CNTNAP3B: variants seen among roughly 807,000 people sequenced by gnomAD.
The protein encoded by CNTNAP3B is contactin-associated protein-like 3B.
Under a neutral mutation model 108.9 loss-of-function variants are expected in CNTNAP3B, and 25 were observed. That is an observed-to-expected ratio of 0.23 (90% CI 0.17 to 0.32). The LOEUF (loss-of-function observed/expected upper bound fraction) is 0.32. CNTNAP3B is among the 10% of genes least tolerant of loss of function. The probability of loss-of-function intolerance (pLI) is 1.00; values close to 1 mark genes in which losing one functional copy is unlikely to be tolerated. For synonymous variants in CNTNAP3B, 103 were observed against 473.4 expected (o/e 0.22, Z 10.16); for missense variants, 252 against 1,210.4 (o/e 0.21, Z 11.75).
At chr9:41,923,577 C>T (rs972089113) in intron 16 of CNTNAP3B, among the ~76,000 whole-genome samples, 145 of 152,344 alleles carry the variant, frequency 9.5e-4, no homozygotes, top group African/African-American at 3.3e-3. Context: ...GCCTGGTCAA[C>T]ATGGCAAAAC....
chr9:41,939,718 C>A (rs1275583236), intron 13 of CNTNAP3B, among the ~76,000 whole-genome samples: 1 of 152,278 alleles, frequency 6.6e-6, no homozygotes, highest in Non-Finnish European at 1.5e-5. Flanking sequence ...TCCTAATGTA[C>A]AAGTGTAAAT....
chr9:42,109,613 A>G (rs1006496705), intron 1 of CNTNAP3B, among the ~76,000 whole-genome samples: 2 of 144,150 alleles, frequency 1.4e-5, no homozygotes, highest in Admixed American at 1.4e-4. Flanking sequence ...TCATTACAGT[A>G]TTACTTAAAG....
chr9:41,963,204 T>A (rs1448504460), intron 11 of CNTNAP3B, among the ~76,000 whole-genome samples: 1 of 152,284 alleles, frequency 6.6e-6, no homozygotes, highest in African/African-American at 2.4e-5. Flanking sequence ...AAATCAAATG[T>A]CTCATGGAAG....
chr9:42,064,563 A>G (rs77622692), intron 3 of CNTNAP3B, among the ~76,000 whole-genome samples: 1 of 107,188 alleles, frequency 9.3e-6, no homozygotes, highest in Non-Finnish European at 1.9e-5. Context: ...CTTCACCCAG[A>G]TACTAACTAA....
chr9:42,024,687 A>C (rs1442373878), intron 3 of CNTNAP3B, among the ~76,000 whole-genome samples: 1 of 139,798 alleles, frequency 7.2e-6, no homozygotes, highest in African/African-American at 2.7e-5. Context: ...AAAAAAAAGA[A>C]AAAAAAACAT....
intron 1 of CNTNAP3B, among the ~76,000 whole-genome samples, chr9:42,109,890 A>G (rs1484949115): frequency 7.3e-6 from 1 of 136,750 alleles, no homozygotes; most frequent in Non-Finnish European, 1.6e-5. Context: ...GTGATGATGA[A>G]CAGAGCCCCA....
intron 2 of CNTNAP3B, among the ~76,000 whole-genome samples, chr9:42,095,036 G>T (rs1003980003): frequency 1.9e-5 from 2 of 103,932 alleles, no homozygotes; most frequent in African/African-American, 7.3e-5. Flanking sequence ...GGTGAGAATA[G>T]TTAAAATTCT....
In CNTNAP3B at chr9:42,110,775, G is replaced by A. The variant is rs1260899207; in HGVS notation, c.86-6036C>T. Among the ~76,000 whole-genome samples the A allele has an allele frequency of 1.5e-5, 2 of 137,692 alleles. 1 individual carries two copies. The highest frequency in any genetic ancestry group is 3.1e-5 in the Non-Finnish European group (2 of 64,538). The allele number at this position is 137,692 out of a possible 152,430, so 90.3% of individuals were successfully genotyped here. ...TCCCATTTCATCACCTGTCTTTTCA[G>A]TTCTTAATGTACCTTAACATTATCT... On this transcript the variant is annotated intron_variant, in intron 1 of 23. Transcript: ENST00000377561.
rs535106045 is a variant in CNTNAP3B at position 41,984,006 on chromosome 9, G to A, written c.1477+2162C>T. Among the ~76,000 whole-genome samples the A allele has an allele frequency of 5.7e-3, 550 of 96,860 alleles. 161 individuals are homozygous for A. The highest frequency in any genetic ancestry group is 9.4e-3 in the Non-Finnish European group (445 of 47,576). 63.5% of individuals were successfully genotyped at this position (96,860 alleles called of 152,430 possible). On this transcript the variant is annotated intron_variant, in intron 9 of 23. Coordinates refer to ENST00000377561, the MANE Select transcript of CNTNAP3B (RefSeq NM_001201380.3). ...GCAGAGCTTGCAGTGAGCCGAGATCGCGCCACTGCACTCCAGCCTGGGGGA... is the reference window on the plus strand; with the variant it reads ...GCAGAGCTTGCAGTGAGCCGAGATCACGCCACTGCACTCCAGCCTGGGGGA...
At chr9:41,924,710 G>A (rs1287745387) in intron 15 of CNTNAP3B, among the ~76,000 whole-genome samples, 1 of 151,290 alleles carries the variant, frequency 6.6e-6, no homozygotes, top group Non-Finnish European at 1.5e-5. Context: ...TCCTTTCATG[G>A]CAAGAACAAT....
At position 42,063,750 on chromosome 9, in the gene CNTNAP3B, C is replaced by T. The variant is rs1827214837; in HGVS notation, c.390+13119G>A. On this transcript the variant is annotated intron_variant, in intron 3 of 23. Coordinates refer to ENST00000377561, the MANE Select transcript of CNTNAP3B (RefSeq NM_001201380.3). The stretch of plus-strand genomic sequence containing the variant: ...TATATCTCTTTCTTTACAATAAAAA[C>T]TGGATCTATTAGCCAGGCTGGAGTG... 2.2e-5 allele frequency among the ~76,000 whole-genome samples: 3 copies of T among 138,250 alleles called. 1 individual carries two copies. The highest frequency in any genetic ancestry group is 4.6e-5 in the Non-Finnish European group (3 of 64,820). The allele number at this position is 138,250 out of a possible 152,430, so 90.7% of individuals were successfully genotyped here. A position where few individuals can be genotyped will look rare whatever the true frequency, so the allele number is the denominator to read the frequency against.
chr9:41,915,876 A>G, intron 18 of CNTNAP3B, among the ~76,000 whole-genome samples: 1 of 151,144 alleles, frequency 6.6e-6, no homozygotes, highest in Non-Finnish European at 1.5e-5. Flanking sequence ...ATACTTCATG[A>G]CAATGTTTTA....
intron 1 of CNTNAP3B, among the ~76,000 whole-genome samples, chr9:42,115,047 C>G (rs1828282147): frequency 7.4e-6 from 1 of 135,164 alleles, no homozygotes; most frequent in South Asian, 2.4e-4. Context: ...GAGCAAGACT[C>G]CATATCGGAA....
rs1828486254 is a variant in CNTNAP3B, at chr9:42,122,551, C to T, written c.85+6459G>A. Among the ~76,000 whole-genome samples the T allele has an allele frequency of 1.5e-5, 2 of 130,220 alleles. 1 individual carries two copies. Among genetic ancestry groups the T allele is most frequent in the East Asian group, 4.8e-4 (2 of 4,196 alleles). 85.4% of individuals were successfully genotyped at this position (130,220 alleles called of 152,430 possible). A position where few individuals can be genotyped will look rare whatever the true frequency, so the allele number is the denominator to read the frequency against. ...AATCATAAACCCTATATTTGAACAGCTATATAATATTATATATTTATTTTC... is the reference window on the plus strand; with the variant it reads ...AATCATAAACCCTATATTTGAACAGTTATATAATATTATATATTTATTTTC... On this transcript the variant is annotated intron_variant, in intron 1 of 23. Transcript: ENST00000377561.
chr9:41,957,770 GGTTT>G (rs1164196627), intron 12 of CNTNAP3B, among the ~76,000 whole-genome samples: 1 of 152,234 alleles, frequency 6.6e-6, no homozygotes, highest in Non-Finnish European at 1.5e-5. Context: ...TTTGTTTTTT[GGTTT>G]TTTTGAGACA....
intron 9 of CNTNAP3B, among the ~76,000 whole-genome samples, chr9:41,977,735 T>A (rs1188512771): frequency 7.8e-6 from 1 of 128,204 alleles, no homozygotes; most frequent in Non-Finnish European, 1.6e-5. Flanking sequence ...TTCTCCTGCC[T>A]CAGCCTCCTG....
intron 1 of CNTNAP3B, among the ~76,000 whole-genome samples, chr9:42,121,351 G>A (rs1168916886): frequency 1.4e-5 from 2 of 139,102 alleles, no homozygotes; most frequent in African/African-American, 2.9e-5. Flanking sequence ...CTGCACAAAC[G>A]CCCATCACAG....
At chr9:41,938,664 C>T (rs1188251521) in intron 13 of CNTNAP3B, among the ~76,000 whole-genome samples, 2 of 152,282 alleles carry the variant, frequency 1.3e-5, no homozygotes, top group Non-Finnish European at 2.9e-5. Flanking sequence ...GCACGTGATA[C>T]ATACTTTCTA....
chr9:41,969,199 A>C (rs538640600), intron 10 of CNTNAP3B, among the ~76,000 whole-genome samples: 2 of 151,854 alleles, frequency 1.3e-5, no homozygotes, highest in East Asian at 3.9e-4. Context: ...TTATTTTTCC[A>C]GGTGTGACCC....
Sources: allele counts gnomAD v4.1 joint callset (sites outside exome capture counted in the v4.1 genomes callset), GRCh38; gene constraint gnomAD v4.1.1; transcripts MANE v1.5; gene names NCBI Gene and HGNC (gene_info 2026-07-23, HGNC 2026-07-21).